Variants in GALNT15 observed in about 807,000 individuals in gnomAD.
GALNT15 encodes the protein UDP-GalNAc transferase T15.
Under a neutral mutation model 66.8 loss-of-function variants are expected in GALNT15, and 67 were observed. The observed-to-expected ratio is 1.00, with a 90% CI of 0.82 to 1.23. The LOEUF (loss-of-function observed/expected upper bound fraction) is 1.23, where lower values mean the gene tolerates loss of function less well. GALNT15 is among the 50% of genes most tolerant of loss of function. The pLI is 0.00. For missense variants in GALNT15, 827 were observed against 804.3 expected, an observed-to-expected ratio of 1.03 and a Z score of -0.34; for synonymous variants, 313 against 311.5, an observed-to-expected ratio of 1.00 and a Z score of -0.05.
chr3:16,187,263 C>CA lies in GALNT15; in HGVS notation c.540-8487dup, dbSNP rs79352527. On this transcript the variant is annotated intron_variant, in intron 1 of 9. Transcript: ENST00000339732. This position sits in a 1 kb window ranked among gnomAD's most constrained non-coding sequence, Gnocchi z 5.1. Reference sequence around the variant, plus strand: ...TGGGTGACAGAACAAGACTCCATCTCAAAAAAAAAATTAGTGATTTCAAAC... The same window carrying CA: ...TGGGTGACAGAACAAGACTCCATCTCAAAAAAAAAAATTAGTGATTTCAAAC... Among the ~76,000 whole-genome samples the CA allele has an allele frequency of 0.075, 11,284 of 149,722 alleles. 601 individuals carry two copies. Among genetic ancestry groups the CA allele is most frequent in the South Asian group, 0.22 (1,054 of 4,742 alleles).
chr3:16,217,131 T>G (rs1435916909), intron 6 of GALNT15, among the ~76,000 whole-genome samples: 1 of 152,208 alleles, frequency 6.6e-6, no homozygotes, highest in East Asian at 1.9e-4. Context: ...TCATTTAACC[T>G]CTAAGAACTC....
chr3:16,205,401 C>T lies in GALNT15; in HGVS notation c.912-3102C>T, dbSNP rs148601649. ...TTGAATATCTGGACAGTAATGTATT[C>T]GTTGATCTCACGTATTTCAGTGAAC... is the stretch of plus-strand genomic sequence containing the variant. On this transcript the variant is annotated intron_variant, in intron 3 of 9. Coordinates refer to ENST00000339732, the MANE Select transcript of GALNT15 (RefSeq NM_054110.5). 3.4e-4 allele frequency among the ~76,000 whole-genome samples: 52 copies of T among 152,332 alleles called. No homozygotes were observed. In the Middle Eastern group the frequency reaches 0.02, roughly 60 times the overall value.
chr3:16,212,895 C>T, intron 6 of GALNT15, 132 bp downstream of exon 6: 1 of 755,826 alleles, frequency 1.3e-6, no homozygotes, highest in Non-Finnish European at 2.1e-6. Context: ...CTCATGCTGC[C>T]CTATTTTAAG....
rs535306241 is a variant in GALNT15, at chr3:16,219,428, G to T, written c.1418G>T (p.Arg473Leu). The change falls in exon 7 of 10, where the codon CGC (arginine) becomes CTC (leucine). Residue 473 changes from arginine to leucine, a missense_variant. Transcript: ENST00000339732. The surrounding 1 kb of genome is among the most constrained non-coding windows in gnomAD (Gnocchi z 4.3). ...SKAEKPDCME[R>L]LQLQRRLGCR... ...GCTGAGAAGCCAGACTGCATGGAAC[G>T]CTTGCAGCTGCAAAGGAGACTGGGT... 3 of 1,614,198 alleles carry T rather than the reference G, an allele frequency of 1.9e-6. No individual in the cohort carries two copies. The highest frequency in any genetic ancestry group is 3.3e-5 in the Admixed American group (2 of 60,026).
the GALNT15 span, among the ~76,000 whole-genome samples, chr3:16,237,735 T>A: frequency 2.0e-5 from 3 of 152,206 alleles, no homozygotes; most frequent in South Asian, 6.2e-4. The surrounding 1 kb of genome is among the most constrained non-coding windows in gnomAD (Gnocchi z 4.2). Context: ...TTTGAGCATA[T>A]CCTTGACCAC....
In GALNT15 at chr3:16,207,546, GGGC is replaced by G. The variant is rs1559686187; in HGVS notation, c.912-956_912-954del. Among the ~76,000 whole-genome samples the G allele has an allele frequency of 1.4e-3, 4 of 2,962 alleles. 2 individuals carry two copies. The highest frequency in any genetic ancestry group is 2.5e-3 in the Non-Finnish European group (4 of 1,600). The allele number at this position is 2,962 out of a possible 152,430, so 1.9% of individuals were successfully genotyped here. ...AAAAAAAAAAAAAAAAAAAAAAATT[GGGC>G]CTAAAATTCCCCACCATTACCGGGA... On this transcript the variant is annotated intron_variant, in intron 3 of 9. Coordinates refer to ENST00000339732, the MANE Select transcript of GALNT15 (RefSeq NM_054110.5).
intron 2 of GALNT15, among the ~76,000 whole-genome samples, chr3:16,199,569 T>G (rs6769977): frequency 0.25 from 35,522 of 141,310 alleles, 8,747 homozygotes; most frequent in African/African-American, 0.35. Context: ...TCACGTGCAT[T>G]TGATTTTTTT....
chr3:16,242,058 T>A, the GALNT15 span, among the ~76,000 whole-genome samples: 1 of 152,208 alleles, frequency 6.6e-6, no homozygotes, highest in East Asian at 1.9e-4. The surrounding 1 kb of genome is among the most constrained non-coding windows in gnomAD (Gnocchi z 5.6). Flanking sequence ...GTCATCTCTG[T>A]GGCAGCTATC....
At chr3:16,232,474 ATATATATATATATATATAT>A (rs2064092931), downstream of GALNT15, among the ~76,000 whole-genome samples, 2 of 51,790 alleles carry the variant, frequency 3.9e-5, no homozygotes, top group Non-Finnish European at 7.5e-5. Flanking sequence ...AAATAAATAT[ATATATATATATATATATAT>A]ATATATATAT....
the GALNT15 span, among the ~76,000 whole-genome samples, chr3:16,237,656 T>C: frequency 6.6e-6 from 1 of 152,136 alleles, no homozygotes; most frequent in Non-Finnish European, 1.5e-5. This position sits in a 1 kb window ranked among gnomAD's most constrained non-coding sequence, Gnocchi z 4.2. Context: ...AAAGTCCTGT[T>C]CCCCCACCAC....
chr3:16,227,768 T>TG lies in GALNT15; in HGVS notation c.*268_*269insG. On this transcript the variant is annotated 3_prime_UTR_variant, in exon 10 of 10. Coordinates refer to ENST00000339732, the MANE Select transcript of GALNT15 (RefSeq NM_054110.5). This position sits in a 1 kb window ranked among gnomAD's most constrained non-coding sequence, Gnocchi z 4.5. Reference sequence around the variant, plus strand: ...AATGATTATTACATAGTACAGAAGATTCTTTGTTTTTCTCCACTGAGCACT... The same window carrying TG: ...AATGATTATTACATAGTACAGAAGATGTCTTTGTTTTTCTCCACTGAGCACT... 1 of 1,222,828 alleles carries TG rather than the reference T, an allele frequency of 8.2e-7. No individual in the cohort carries two copies. The highest frequency in any genetic ancestry group is 1.0e-6 in the Non-Finnish European group (1 of 979,002). 75.7% of individuals were successfully genotyped at this position (1,222,828 alleles called of 1,614,324 possible). A position where few individuals can be genotyped will look rare whatever the true frequency, so the allele number is the denominator to read the frequency against.
intron 2 of GALNT15, among the ~76,000 whole-genome samples, chr3:16,196,958 C>T (rs906700414): frequency 6.6e-6 from 1 of 152,208 alleles, no homozygotes; most frequent in Non-Finnish European, 1.5e-5. Context: ...CAGGGATGGG[C>T]CTAGCCTGGC....
the GALNT15 span, among the ~76,000 whole-genome samples, chr3:16,244,593 GCTACATGT>G: frequency 2.6e-5 from 4 of 152,228 alleles, no homozygotes; most frequent in Admixed American, 2.0e-4. Context: ...ACTAGAGAAA[GCTACATGT>G]TTTGAAGAAT....
downstream of GALNT15, among the ~76,000 whole-genome samples, chr3:16,234,504 C>T (rs1223389424): frequency 1.3e-5 from 2 of 152,218 alleles, no homozygotes; most frequent in African/African-American, 2.4e-5. Flanking sequence ...GCATGTTCTA[C>T]ACCATTCCCC....
intron 6 of GALNT15, among the ~76,000 whole-genome samples, chr3:16,214,714 G>A (rs975446792): frequency 3.3e-5 from 5 of 152,060 alleles, no homozygotes; most frequent in Admixed American, 2.6e-4. Flanking sequence ...TCCTAGACAG[G>A]GTCATGACAG....
intron 6 of GALNT15, 56 bp downstream of exon 6, chr3:16,212,819 G>A: frequency 1.3e-6 from 2 of 1,504,564 alleles, no homozygotes; most frequent in Non-Finnish European, 1.8e-6. Context: ...CTAGCAGGAG[G>A]TGGGCCAGGG....
chr3:16,219,781 C>T lies in GALNT15; in HGVS notation c.1525-129C>T. 1 of 902,304 alleles carries T rather than the reference C, an allele frequency of 1.1e-6. No homozygotes were observed. Among genetic ancestry groups the T allele is most frequent in the Non-Finnish European group, 1.8e-6 (1 of 551,216 alleles). The allele number at this position is 902,304 out of a possible 1,614,324, so 55.9% of individuals were successfully genotyped here. ...GTCAGTGGCTTCAGCTTTACCACACCTGTTGTTGTGGCCTGAACAATGTGC... is the reference window on the plus strand; with the variant it reads ...GTCAGTGGCTTCAGCTTTACCACACTTGTTGTTGTGGCCTGAACAATGTGC... On this transcript the variant is annotated intron_variant, in intron 7 of 9. Transcript: ENST00000339732. This position sits in a 1 kb window ranked among gnomAD's most constrained non-coding sequence, Gnocchi z 4.3.
chr3:16,243,152 G>T, the GALNT15 span, among the ~76,000 whole-genome samples: 1 of 152,220 alleles, frequency 6.6e-6, no homozygotes, highest in African/African-American at 2.4e-5. Flanking sequence ...GATACACTTT[G>T]CAGGCTGCAC....
Position 16,191,355 on chromosome 3 carries a change from C to A in GALNT15, c.540-4405C>A. 1.0e-6 allele frequency: 1 copy of A among 983,546 alleles called. No individual in the cohort carries two copies. The highest frequency in any genetic ancestry group is 1.2e-6 in the Non-Finnish European group (1 of 828,188). 60.9% of individuals were successfully genotyped at this position (983,546 alleles called of 1,614,324 possible). A position where few individuals can be genotyped will look rare whatever the true frequency, so the allele number is the denominator to read the frequency against. ...GTAATGGGACATCTGTTAATAATGG[C>A]AGCAAACGCATGGTGCTCACTCTGT... On this transcript the variant is annotated intron_variant, in intron 1 of 9. Coordinates refer to ENST00000339732, the MANE Select transcript of GALNT15 (RefSeq NM_054110.5). The surrounding 1 kb of genome is among the most constrained non-coding windows in gnomAD (Gnocchi z 5.2).
Sources: gnomAD v4.1 joint callset for allele counts (sites outside exome capture counted in the v4.1 genomes callset) on GRCh38, gnomAD v4.1.1 for gene constraint, Gnocchi (gnomAD v3.1) non-coding constraint, MANE v1.5 for transcripts, NCBI Gene and HGNC (gene_info 2026-07-23, HGNC 2026-07-21) for gene names.